Variants in CREBL2 observed in about 807,000 individuals in gnomAD.
CREBL2 encodes cAMP responsive element binding protein like 2, also known as cAMP-responsive element-binding protein-like 2.
CREBL2 carries 4 observed loss-of-function variants against 19.5 expected under a neutral mutation model. That is an observed-to-expected ratio of 0.20 (90% CI 0.10 to 0.47). The LOEUF is 0.47. CREBL2 is among the 20% of genes least tolerant of loss of function. The probability of loss-of-function intolerance (pLI) is 0.98; values close to 1 mark genes in which losing one functional copy is unlikely to be tolerated. For synonymous variants in CREBL2, 42 were observed against 46.6 expected, an observed-to-expected ratio of 0.90 and a Z score of 0.40; for missense variants, 85 against 145.1, an observed-to-expected ratio of 0.59 and a Z score of 2.13.
chr12:12,617,893 A>G (rs1249179241), intron 1 of CREBL2, among the ~76,000 whole-genome samples: 2 of 151,468 alleles, frequency 1.3e-5, no homozygotes, highest in South Asian at 2.1e-4. Flanking sequence ...GCTGCCTTCA[A>G]GCATCTGTTT....
At chr12:12,621,053 C>T (rs1945355010) in intron 1 of CREBL2, among the ~76,000 whole-genome samples, 2 of 152,148 alleles carry the variant, frequency 1.3e-5, no homozygotes, top group East Asian at 1.9e-4. Context: ...GCATCTTGCA[C>T]AGTAAAGTAA....
chr12:12,634,251 T>C (rs1012741976), intron 1 of CREBL2, among the ~76,000 whole-genome samples: 19 of 152,262 alleles, frequency 1.2e-4, no homozygotes, highest in African/African-American at 4.6e-4. Context: ...TAGTAATTCA[T>C]CATCTTTACC....
rs552194187 is a variant in CREBL2 at position 12,638,020 on chromosome 12, G to A, written c.358+306G>A. ...ATCATGAAACCCTGTCTCAAAAGGG[G>A]GGAACAAAAAGAGGGTATCTCAAGG... On this transcript the variant is annotated intron_variant, in intron 3 of 3. Coordinates refer to ENST00000228865, the MANE Select transcript of CREBL2 (RefSeq NM_001310.4). Among the ~76,000 whole-genome samples, 6 of 152,024 alleles carry A rather than the reference G, an allele frequency of 3.9e-5. No individual in the cohort carries two copies. The East Asian group carries it at 1.2e-3, about 29-fold the overall frequency.
At chr12:12,618,741 A>G (rs1386655247) in intron 1 of CREBL2, among the ~76,000 whole-genome samples, 1 of 152,112 alleles carries the variant, frequency 6.6e-6, no homozygotes, top group East Asian at 1.9e-4. Flanking sequence ...CCTGGGCAAC[A>G]TTGAGCACTG....
rs1945529949 is a variant in CREBL2, at chr12:12,642,418, A to C, written c.*420A>C. On this transcript the variant is annotated 3_prime_UTR_variant, in exon 4 of 4. Transcript: ENST00000228865. Reference sequence around the variant, plus strand: ...CACCTTTCATGTTTTTGATTGCCCTACAAAGAGAAACCAAATGAGCTGATT... The same window carrying C: ...CACCTTTCATGTTTTTGATTGCCCTCCAAAGAGAAACCAAATGAGCTGATT... 6.4e-6 allele frequency: 1 copy of C among 155,608 alleles called. No individual in the cohort carries two copies. Among genetic ancestry groups the C allele is most frequent in the Admixed American group, 6.5e-5 (1 of 15,370 alleles). 9.6% of individuals were successfully genotyped at this position (155,608 alleles called of 1,614,324 possible). A position where few individuals can be genotyped will look rare whatever the true frequency, so the allele number is the denominator to read the frequency against.
chr12:12,622,002 G>A (rs560519103), intron 1 of CREBL2, among the ~76,000 whole-genome samples: 1 of 152,322 alleles, frequency 6.6e-6, no homozygotes, highest in South Asian at 2.1e-4. Context: ...ATGGGTTTTA[G>A]CATATGACTG....
chr12:12,621,035 G>A (rs1411681087), intron 1 of CREBL2, among the ~76,000 whole-genome samples: 1 of 152,208 alleles, frequency 6.6e-6, no homozygotes, highest in African/African-American at 2.4e-5. Context: ...GGAATATCCT[G>A]TTGTAAAGCA....
chr12:12,622,041 A>G (rs771699322), intron 1 of CREBL2, among the ~76,000 whole-genome samples: 1 of 152,194 alleles, frequency 6.6e-6, no homozygotes, highest in African/African-American at 2.4e-5. Context: ...CACCCTTTCA[A>G]ACTGTTGTGA....
chr12:12,612,221 C>A (rs1435418235), intron 1 of CREBL2, 34 bp downstream of exon 1: 1 of 1,613,398 alleles, frequency 6.2e-7, no homozygotes, highest in South Asian at 1.1e-5. Flanking sequence ...CCGCCGCCTT[C>A]TTGTCGCTCA....
At chr12:12,613,185 C>T (rs1945281492) in intron 1 of CREBL2, among the ~76,000 whole-genome samples, 1 of 152,206 alleles carries the variant, frequency 6.6e-6, no homozygotes, top group Non-Finnish European at 1.5e-5. Context: ...TCTCTCTTTA[C>T]ATCTACCCAC....
At chr12:12,635,066 A>G (rs1287108412) in intron 1 of CREBL2, among the ~76,000 whole-genome samples, 1 of 151,950 alleles carries the variant, frequency 6.6e-6, no homozygotes, top group African/African-American at 2.4e-5. Flanking sequence ...AACCTGTCTC[A>G]AAAAAAGAAA....
chr12:12,627,442 A>G (rs910155569), intron 1 of CREBL2, among the ~76,000 whole-genome samples: 4 of 152,206 alleles, frequency 2.6e-5, no homozygotes, highest in African/African-American at 9.6e-5. Flanking sequence ...GCAACCATTA[A>G]TCTACTTTAA....
chr12:12,637,268 C>G (rs931104503), intron 2 of CREBL2, among the ~76,000 whole-genome samples: 2 of 151,942 alleles, frequency 1.3e-5, no homozygotes, highest in African/African-American at 4.8e-5. Context: ...TAGTGGCACA[C>G]TGTGGGGAGA....
chr12:12,628,817 C>A (rs1219596354), intron 1 of CREBL2, among the ~76,000 whole-genome samples: 2 of 152,150 alleles, frequency 1.3e-5, no homozygotes, highest in East Asian at 3.9e-4. Flanking sequence ...AGGTAGTGAT[C>A]CAACTTAATT....
At chr12:12,637,767 G>T (rs1047941787) in intron 3 of CREBL2, 53 bp downstream of exon 3, 2 of 1,533,060 alleles carry the variant, frequency 1.3e-6, no homozygotes, top group Non-Finnish European at 1.8e-6. Context: ...TCGGTTGGGC[G>T]CAGTGGCTCA....
intron 1 of CREBL2, among the ~76,000 whole-genome samples, chr12:12,620,721 A>G (rs1013452137): frequency 6.6e-6 from 1 of 152,250 alleles, no homozygotes; most frequent in Admixed American, 6.5e-5. Context: ...TTTTCAGAAA[A>G]GTTTATTTAT....
chr12:12,618,821 G>C (rs988173598), intron 1 of CREBL2, among the ~76,000 whole-genome samples: 1 of 152,212 alleles, frequency 6.6e-6, no homozygotes, highest in African/African-American at 2.4e-5. Flanking sequence ...TCGCGGTCAG[G>C]AGCTGGAGAC....
At chr12:12,641,254 TTTTTTTTTA>T (rs1177641101) in intron 3 of CREBL2, among the ~76,000 whole-genome samples, 1,002 of 68,304 alleles carry the variant, frequency 0.015, 23 homozygotes, top group African/African-American at 0.04. Flanking sequence ...ATTATTATTA[TTTTTTTTTA>T]TTTTTTTTTT....
rs1233946507 is a variant in CREBL2, at chr12:12,644,768, T to G, written c.*2770T>G. 1 of 152,620 alleles carries G rather than the reference T, an allele frequency of 6.6e-6. No homozygotes were observed. Among genetic ancestry groups the G allele is most frequent in the Non-Finnish European group, 1.5e-5 (1 of 68,044 alleles). The allele number at this position is 152,620 out of a possible 1,614,324, so 9.5% of individuals were successfully genotyped here. ...CAGCATCACTATGTAGCATTCTGTT[T>G]TAGCATCTTTGAATTATGATCATTT... On this transcript the variant is annotated 3_prime_UTR_variant, in exon 4 of 4. Coordinates refer to ENST00000228865, the MANE Select transcript of CREBL2 (RefSeq NM_001310.4).
Sources: allele counts gnomAD v4.1 joint callset (sites outside exome capture counted in the v4.1 genomes callset), GRCh38; gene constraint gnomAD v4.1.1; transcripts MANE v1.5; gene names NCBI Gene and HGNC (gene_info 2026-07-23, HGNC 2026-07-21).